RYR2: variants seen among roughly 807,000 people sequenced by gnomAD.
RYR2 encodes cardiac muscle ryanodine receptor-calcium release channel.
RYR2 carries 227 observed loss-of-function variants against 601.1 expected under a neutral mutation model. The ratio of observed to expected loss-of-function variants is 0.38; its 90% CI spans 0.34 to 0.42. The LOEUF (loss-of-function observed/expected upper bound fraction) is 0.42, where lower values mean the gene tolerates loss of function less well. Among genes scored for constraint, RYR2 ranks in the 10% least tolerant of loss-of-function variants. The pLI, the probability that RYR2 is intolerant of heterozygous loss-of-function variation, is 1.00. For missense variants in RYR2, 4,646 were observed against 6,156.5 expected, an observed-to-expected ratio of 0.75 and a Z score of 8.21; for synonymous variants, 2,223 against 2,175.1, an observed-to-expected ratio of 1.02 and a Z score of -0.61.
intron 25 of RYR2, among the ~76,000 whole-genome samples, chr1:237,547,302 G>A (rs1341228549): frequency 6.6e-6 from 1 of 151,896 alleles, no homozygotes; most frequent in South Asian, 2.1e-4. Flanking sequence ...CACTGTGCCC[G>A]GCCTTTTCTC....
At chr1:237,669,764 A>G (rs1486498674) in intron 58 of RYR2, among the ~76,000 whole-genome samples, 1 of 145,338 alleles carries the variant, frequency 6.9e-6, no homozygotes, top group Non-Finnish European at 1.5e-5. Context: ...CACTTCCTAG[A>G]TGGGATGGCG....
At chr1:237,350,229 G>T (rs1407179865) in intron 3 of RYR2, among the ~76,000 whole-genome samples, 1 of 151,990 alleles carries the variant, frequency 6.6e-6, no homozygotes, top group African/African-American at 2.4e-5. Context: ...GGATGGTAAA[G>T]TTGTATGTGT....
intron 37 of RYR2, among the ~76,000 whole-genome samples, chr1:237,617,013 G>T (rs926494197): frequency 6.6e-6 from 1 of 152,018 alleles, no homozygotes; most frequent in African/African-American, 2.4e-5. Context: ...CTTGACATGT[G>T]GGGGTTATTA....
chr1:237,511,021 C>G (rs1665836435), intron 23 of RYR2, among the ~76,000 whole-genome samples: 1 of 152,224 alleles, frequency 6.6e-6, no homozygotes, highest in Admixed American at 6.5e-5. Context: ...GTCAGTCAGT[C>G]CTGTCGTTAA....
chr1:237,231,127 T>C (rs1319422866), intron 1 of RYR2, among the ~76,000 whole-genome samples: 6 of 152,122 alleles, frequency 3.9e-5, no homozygotes, highest in African/African-American at 1.4e-4. Context: ...GAATATCAAA[T>C]AACTATATCT....
intron 29 of RYR2, among the ~76,000 whole-genome samples, chr1:237,583,269 G>A (rs927337692): frequency 3.3e-5 from 5 of 151,828 alleles, no homozygotes; most frequent in African/African-American, 1.2e-4. Flanking sequence ...TTTTTAAATG[G>A]GGGTGATTTG....
intron 1 of RYR2, among the ~76,000 whole-genome samples, chr1:237,195,556 C>T (rs1236037186): frequency 6.6e-6 from 1 of 152,192 alleles, no homozygotes; most frequent in African/African-American, 2.4e-5. Context: ...CCTGAGCCAC[C>T]ACACCAGGCC....
intron 25 of RYR2, among the ~76,000 whole-genome samples, chr1:237,545,120 A>G (rs1669662208): frequency 1.3e-5 from 2 of 152,256 alleles, no homozygotes; most frequent in Non-Finnish European, 2.9e-5. Flanking sequence ...TGAACAAATT[A>G]TTGGGCTACT....
rs1036715154 is a variant in RYR2, at chr1:237,761,212, G to A, written c.11476+184G>A. Among the ~76,000 whole-genome samples the A allele has an allele frequency of 3.9e-5, 6 of 152,202 alleles. No homozygotes were observed. The East Asian group carries it at 5.8e-4, about 15-fold the overall frequency. On this transcript the variant is annotated intron_variant, in intron 84 of 104. Coordinates refer to ENST00000366574, the MANE Select transcript of RYR2 (RefSeq NM_001035.3). ...CACCCTAAAACCAACCTTCCACGCC[G>A]GTCATTAACTCCTTGTGTGCCAGCC... is the stretch of plus-strand genomic sequence containing the variant.
At chr1:237,395,438 T>G (rs1474008312) in intron 10 of RYR2, among the ~76,000 whole-genome samples, 1 of 152,124 alleles carries the variant, frequency 6.6e-6, no homozygotes, top group African/African-American at 2.4e-5. Context: ...GTAACTATTT[T>G]TCAGACGATT....
intron 1 of RYR2, among the ~76,000 whole-genome samples, chr1:237,171,977 C>G (rs540769689): frequency 1.3e-5 from 2 of 152,182 alleles, no homozygotes; most frequent in Admixed American, 1.3e-4. Flanking sequence ...CCCAATTTGC[C>G]TTAACATCCG....
chr1:237,412,862 GAGTTCAA>G (rs949333491), intron 10 of RYR2, among the ~76,000 whole-genome samples: 1 of 152,104 alleles, frequency 6.6e-6, no homozygotes, highest in Admixed American at 6.6e-5. Context: ...TTATTTGTAT[GAGTTCAA>G]AGTTGGTAAT....
intron 8 of RYR2, among the ~76,000 whole-genome samples, chr1:237,382,580 A>C (rs1297317633): frequency 7.5e-6 from 1 of 132,710 alleles, no homozygotes; most frequent in Admixed American, 8.9e-5. Context: ...CCTGTGTCTA[A>C]GTGTTCTCAT....
chr1:237,557,292 G>A (rs1012113333), intron 27 of RYR2, among the ~76,000 whole-genome samples: 2 of 152,156 alleles, frequency 1.3e-5, no homozygotes, highest in African/African-American at 4.8e-5. Flanking sequence ...ATTATATTCT[G>A]TTTGTTAGAA....
Position 237,407,771 on chromosome 1 carries a change from C to A in RYR2, c.774-9278C>A, listed in dbSNP as rs557451724. ...AGCTATGACTACAGGTGCCCACCAC[C>A]ATGCCCGGCTAATTTTTTGTGTTTT... On this transcript the variant is annotated intron_variant, in intron 10 of 104. Transcript: ENST00000366574. Among the ~76,000 whole-genome samples, 10 of 152,082 alleles carry A rather than the reference C, an allele frequency of 6.6e-5. No individual in the cohort carries two copies. In the South Asian group the frequency reaches 2.1e-3, roughly 32 times the overall value.
intron 72 of RYR2, among the ~76,000 whole-genome samples, chr1:237,718,050 C>A (rs992325937): frequency 3.9e-5 from 6 of 152,142 alleles, no homozygotes; most frequent in Admixed American, 6.5e-5. Flanking sequence ...GCTCTACTGG[C>A]AGTTCTCTAG....
In RYR2 at chr1:237,599,808, CAAAAAA is replaced by C. The variant is rs56123861; in HGVS notation, c.4597-2200_4597-2195del. Among the ~76,000 whole-genome samples, 464 of 107,930 alleles carry C rather than the reference CAAAAAA, an allele frequency of 4.3e-3. 4 individuals carry two copies. Among genetic ancestry groups the C allele is most frequent in the African/African-American group, 0.013 (326 of 25,412 alleles). The allele number at this position is 107,930 out of a possible 152,430, so 70.8% of individuals were successfully genotyped here. ...TGGGTGACAGAGTGAGACTCCATCT[CAAAAAA>C]AAAAAAAAAAAAAAAATCAGTTATC... On this transcript the variant is annotated intron_variant, in intron 34 of 104. Coordinates refer to ENST00000366574, the MANE Select transcript of RYR2 (RefSeq NM_001035.3).
intron 37 of RYR2, among the ~76,000 whole-genome samples, chr1:237,616,868 G>T (rs1328616806): frequency 3.3e-5 from 5 of 152,162 alleles, no homozygotes; most frequent in African/African-American, 1.2e-4. Flanking sequence ...ATCTTACATG[G>T]TGGCAGGCAA....
intron 33 of RYR2, among the ~76,000 whole-genome samples, chr1:237,594,886 G>GTTTTTTTTGTTTTTTTTTTTTTTTTTT (rs1675642723): frequency 5.0e-5 from 3 of 60,420 alleles, no homozygotes; most frequent in African/African-American, 9.5e-5. Flanking sequence ...ATATCACTGG[G>GTTTTTTTTGTTTTTTTTTTTTTTTTTT]TTTTTTTTTT....
Sources: gnomAD v4.1 joint callset for allele counts (sites outside exome capture counted in the v4.1 genomes callset) on GRCh38, gnomAD v4.1.1 for gene constraint, MANE v1.5 for transcripts, NCBI Gene and HGNC (gene_info 2026-07-23, HGNC 2026-07-21) for gene names.